The following PIK3CB variants were observed in gnomAD, a reference collection of about 807,000 sequenced individuals.
PIK3CB encodes the protein phosphatidylinositol-4,5-bisphosphate 3-kinase catalytic subunit beta.
A neutral mutation model predicts 136.8 loss-of-function variants in PIK3CB; 39 were observed. That is an observed-to-expected ratio of 0.29 (90% CI 0.22 to 0.37). PIK3CB has a LOEUF of 0.37. Among genes scored for constraint, PIK3CB ranks in the 10% least tolerant of loss-of-function variants. The pLI, the probability that PIK3CB is intolerant of heterozygous loss-of-function variation, is 1.00. For synonymous variants in PIK3CB, 428 were observed against 436.6 expected, an observed-to-expected ratio of 0.98 and a Z score of 0.25; for missense variants, 868 against 1,275.4, an observed-to-expected ratio of 0.68 and a Z score of 4.87.
intron 20 of PIK3CB, among the ~76,000 whole-genome samples, chr3:138,664,823 C>A (rs2043371406): frequency 6.6e-6 from 1 of 152,148 alleles, no homozygotes; most frequent in Non-Finnish European, 1.5e-5. Flanking sequence ...TACTGCGGGG[C>A]TCCAAAATTT....
chr3:138,687,678 C>T (rs1265259464), intron 16 of PIK3CB, among the ~76,000 whole-genome samples: 1 of 152,162 alleles, frequency 6.6e-6, no homozygotes, highest in African/African-American at 2.4e-5. Flanking sequence ...TAGTCTCAAA[C>T]TTCTGGGCTT....
intron 2 of PIK3CB, among the ~76,000 whole-genome samples, chr3:138,788,733 CG>C (rs1245167411): frequency 2.7e-5 from 4 of 148,742 alleles, no homozygotes; most frequent in Non-Finnish European, 5.9e-5. Flanking sequence ...GAGGCCAAGG[CG>C]GGCGGATCAC....
chr3:138,692,541 A>G (rs991074924), intron 14 of PIK3CB, among the ~76,000 whole-genome samples: 1 of 152,216 alleles, frequency 6.6e-6, no homozygotes, highest in African/African-American at 2.4e-5. Flanking sequence ...GGTTTATTGT[A>G]AAATTCATGC....
chr3:138,811,044 T>G (rs1230836293), intron 1 of PIK3CB, among the ~76,000 whole-genome samples: 1 of 151,728 alleles, frequency 6.6e-6, no homozygotes, highest in Non-Finnish European at 1.5e-5. Flanking sequence ...CTGGTCAACG[T>G]AGCGAAATTC....
At chr3:138,783,233 G>A (rs2045939993) in intron 2 of PIK3CB, among the ~76,000 whole-genome samples, 1 of 151,924 alleles carries the variant, frequency 6.6e-6, no homozygotes, top group African/African-American at 2.4e-5. Context: ...ATAAACAAAT[G>A]TAGAGGTTAA....
intron 5 of PIK3CB, among the ~76,000 whole-genome samples, chr3:138,741,686 G>A (rs929312904): frequency 1.3e-5 from 2 of 152,160 alleles, no homozygotes; most frequent in Non-Finnish European, 2.9e-5. Context: ...AAATTAGCCA[G>A]GTGTGATGGC....
chr3:138,742,635 G>T lies in PIK3CB; in HGVS notation c.544C>A (p.Pro182Thr). Residue 182 changes from proline to threonine, a missense_variant, in exon 5 of 24, where the codon CCA (proline) becomes ACA (threonine). Pro to Thr is a conservative substitution (Grantham distance 38). This residue lies in a region of PIK3CB where 612 missense variants were observed against 801.1 expected (regional missense o/e 0.76). Transcript: ENST00000674063. ...LKQTYPPEHE[P>T]SIPENLEDKL... ...TCTTCTAAGTTTTCAGGGATGGATG[G>T]TTCATGCTCTGGTGGATATGTTTGT... The T allele has an allele frequency of 6.2e-7, 1 of 1,609,666 alleles. No individual in the cohort carries two copies. The highest frequency in any genetic ancestry group is 8.5e-7 in the Non-Finnish European group (1 of 1,176,170).
chr3:138,833,314 G>A (rs1934124918), intron 1 of PIK3CB, among the ~76,000 whole-genome samples: 1 of 151,932 alleles, frequency 6.6e-6, no homozygotes, highest in Non-Finnish European at 1.5e-5. Context: ...TGATCCGCCC[G>A]CCTCGGCCTC....
intron 8 of PIK3CB, among the ~76,000 whole-genome samples, chr3:138,731,641 C>A (rs193022827): frequency 6.6e-6 from 1 of 152,092 alleles, no homozygotes; most frequent in African/African-American, 2.4e-5. Context: ...AACAGGATTA[C>A]CACTAAAATA....
chr3:138,727,221 CAG>C (rs2044858210), intron 8 of PIK3CB, among the ~76,000 whole-genome samples: 1 of 152,118 alleles, frequency 6.6e-6, no homozygotes, highest in Non-Finnish European at 1.5e-5. Context: ...AGACCTCATA[CAG>C]AGTCATGTGT....
At chr3:138,686,009 C>A (rs2043884452) in intron 16 of PIK3CB, among the ~76,000 whole-genome samples, 1 of 151,778 alleles carries the variant, frequency 6.6e-6, no homozygotes. Context: ...CGGTGGTGTG[C>A]ACCTGTAATC....
intron 2 of PIK3CB, among the ~76,000 whole-genome samples, chr3:138,793,032 A>C (rs753050022): frequency 6.6e-6 from 1 of 152,134 alleles, no homozygotes. Flanking sequence ...TGAGGTTGGG[A>C]TCCTGGGAGA....
Position 138,665,141 on chromosome 3 carries a change from G to T in PIK3CB, c.2567C>A (p.Thr856Asn). ...CTGAATGTCAGCAATTGTTTCAGAG[G>T]TGCTCACAACTTCAATGAGGCCAGA... Reference protein sequence around the residue: ...DRSGLIEVVSTSETIADIQLN... With the variant: ...DRSGLIEVVSNSETIADIQLN... Residue 856 changes from threonine (T) to asparagine (N), a missense_variant, in exon 20 of 24, where the codon ACC (threonine) becomes AAC (asparagine). By Grantham distance (65) the Thr-to-Asn change is moderately conservative. Transcript: ENST00000674063. 1 of 1,613,334 alleles carries T rather than the reference G, an allele frequency of 6.2e-7. No individual in the cohort carries two copies. Among genetic ancestry groups the T allele is most frequent in the South Asian group, 1.1e-5 (1 of 90,852 alleles).
chr3:138,820,329 A>C (rs1933506144), intron 1 of PIK3CB, among the ~76,000 whole-genome samples: 1 of 152,208 alleles, frequency 6.6e-6, no homozygotes, highest in African/African-American at 2.4e-5. Flanking sequence ...ACATCACCTC[A>C]GAATTTCCTG....
chr3:138,806,193 C>G (rs13089514), intron 1 of PIK3CB, among the ~76,000 whole-genome samples: 1 of 152,154 alleles, frequency 6.6e-6, no homozygotes, highest in South Asian at 2.1e-4. Context: ...TTCTCAGACT[C>G]TAAGAGAAAT....
rs2108417864 is a variant in PIK3CB at position 138,663,993 on chromosome 3, C to T, written c.2709G>A (p.Leu903=). Residue 903 remains leucine, a synonymous_variant, in exon 21 of 24, where the codon CTG becomes CTA. Transcript: ENST00000674063. ...DLDRAIEEFT[L]SCAGYCVASY... ...AAGCTACACAGTAGCCAGCACAGGA[C>T]AGTGTAAATTCCTCAATGGCTCGGT... 6.2e-7 allele frequency: 1 copy of T among 1,613,952 alleles called. No individual in the cohort carries two copies. The highest frequency in any genetic ancestry group is 8.5e-7 in the Non-Finnish European group (1 of 1,179,928).
intron 19 of PIK3CB, among the ~76,000 whole-genome samples, chr3:138,677,447 A>G (rs1335583882): frequency 6.6e-6 from 1 of 152,240 alleles, no homozygotes; most frequent in Non-Finnish European, 1.5e-5. Context: ...GAATGAAGAA[A>G]TATTTAAAAT....
chr3:138,831,436 A>C (rs1403017376), intron 1 of PIK3CB, among the ~76,000 whole-genome samples: 3 of 150,148 alleles, frequency 2.0e-5, no homozygotes, highest in African/African-American at 7.4e-5. Flanking sequence ...AATACAAAAA[A>C]TTAGCTGGGC....
intron 1 of PIK3CB, among the ~76,000 whole-genome samples, chr3:138,807,525 G>A (rs113993195): frequency 1.3e-5 from 2 of 152,288 alleles, no homozygotes; most frequent in African/African-American, 4.8e-5. Flanking sequence ...CTTAAAGTTT[G>A]TCAACAGAGG....
Sources: gnomAD v4.1 joint callset for allele counts (sites outside exome capture counted in the v4.1 genomes callset) on GRCh38, gnomAD v4.1.1 for gene constraint, gnomAD v4.1.1 regional missense constraint, MANE v1.5 for transcripts, NCBI Gene and HGNC (gene_info 2026-07-23, HGNC 2026-07-21) for gene names.